The following NAV2 variants were observed in gnomAD, a reference collection of about 807,000 sequenced individuals.
The protein encoded by NAV2 is helicase, APC down-regulated 1.
Under a neutral mutation model 223.2 loss-of-function variants are expected in NAV2, and 54 were observed. The ratio of observed to expected loss-of-function variants is 0.24; its 90% CI spans 0.19 to 0.30. The LOEUF (loss-of-function observed/expected upper bound fraction) is 0.30, where lower values mean the gene tolerates loss of function less well. NAV2 is among the 10% of genes least tolerant of loss of function. The pLI is 1.00. For missense variants in NAV2, 2,806 were observed against 3,147.5 expected, an observed-to-expected ratio of 0.89 and a Z score of 2.60; for synonymous variants, 1,279 against 1,239.3, an observed-to-expected ratio of 1.03 and a Z score of -0.67.
intron 6 of NAV2, among the ~76,000 whole-genome samples, chr11:19,928,706 G>A (rs189161554): frequency 4.6e-5 from 7 of 152,158 alleles, no homozygotes; most frequent in South Asian, 2.1e-4. Context: ...TGCAGGGGTC[G>A]TCTCAGAGAC....
chr11:19,682,897 TATC>T (rs769901654), intron 1 of NAV2, among the ~76,000 whole-genome samples: 1 of 152,126 alleles, frequency 6.6e-6, no homozygotes, highest in Non-Finnish European at 1.5e-5. Context: ...ATCCAAAACA[TATC>T]ATATTCATTT....
At chr11:19,810,053 G>C (rs1156656376) in intron 1 of NAV2, among the ~76,000 whole-genome samples, 4 of 152,178 alleles carry the variant, frequency 2.6e-5, no homozygotes, top group Non-Finnish European at 5.9e-5. Flanking sequence ...CTTGAGAGCA[G>C]AACATCTACA....
chr11:19,593,508 T>C (rs1033310714), intron 1 of NAV2, among the ~76,000 whole-genome samples: 11 of 152,200 alleles, frequency 7.2e-5, no homozygotes, highest in African/African-American at 2.4e-4. Context: ...AATATTTGTG[T>C]ATAGATTTTT....
intron 1 of NAV2, among the ~76,000 whole-genome samples, chr11:19,644,718 T>A (rs977009415): frequency 2.0e-5 from 3 of 152,054 alleles, no homozygotes; most frequent in African/African-American, 7.2e-5. Flanking sequence ...CTGGTTGGGG[T>A]GTGGACCTCC....
intron 1 of NAV2, among the ~76,000 whole-genome samples, chr11:19,784,756 C>T (rs1173397168): frequency 6.6e-6 from 1 of 152,112 alleles, no homozygotes; most frequent in African/African-American, 2.4e-5. Context: ...GTCATTTAAC[C>T]TCTTTGTACC....
intron 19 of NAV2, among the ~76,000 whole-genome samples, chr11:20,061,317 C>T (rs2153623398): frequency 8.1e-6 from 1 of 123,942 alleles, no homozygotes; most frequent in Admixed American, 7.8e-5. Flanking sequence ...TGACTGTAAT[C>T]CCAGCACTTT....
chr11:19,565,578 C>T (rs1223815354), intron 1 of NAV2, among the ~76,000 whole-genome samples: 4 of 152,194 alleles, frequency 2.6e-5, no homozygotes, highest in Non-Finnish European at 4.4e-5. Context: ...CTCCCTTAAC[C>T]ACCCCTTTCA....
chr11:19,746,007 A>G (rs2053304175), intron 1 of NAV2, among the ~76,000 whole-genome samples: 1 of 152,242 alleles, frequency 6.6e-6, no homozygotes, highest in Non-Finnish European at 1.5e-5. Context: ...AAGCATTTTT[A>G]TCAACATGAT....
In NAV2 at chr11:20,082,503, C is replaced by T. The variant is rs374837011; in HGVS notation, c.5326-504C>T. 9.5e-4 allele frequency: 1,286 copies of T among 1,358,774 alleles called. 2 individuals are homozygous for T. Among genetic ancestry groups the T allele is most frequent in the Middle Eastern group, 1.6e-3 (9 of 5,576 alleles). The allele number at this position is 1,358,774 out of a possible 1,614,324, so 84.2% of individuals were successfully genotyped here. On this transcript the variant is annotated intron_variant, in intron 25 of 37. Coordinates refer to ENST00000349880, the MANE Select transcript of NAV2 (RefSeq NM_145117.5). The stretch of plus-strand genomic sequence containing the variant: ...ATTAGCCATGTTGTGTCTGAAAGTC[C>T]GAAGCTTTCCCTGTCACTGGCTTTC...
intron 5 of NAV2, among the ~76,000 whole-genome samples, chr11:19,881,193 G>T (rs1488632870): frequency 6.6e-6 from 1 of 152,166 alleles, no homozygotes; most frequent in Non-Finnish European, 1.5e-5. Context: ...CTATTTCCCA[G>T]TTGTGATGAT....
chr11:19,628,102 T>C lies in NAV2; in HGVS notation c.76-204382T>C, dbSNP rs557581685. Among the ~76,000 whole-genome samples, 183 of 152,228 alleles carry C rather than the reference T, an allele frequency of 1.2e-3. 1 individual carries two copies. Among genetic ancestry groups the C allele is most frequent in the African/African-American group, 4.2e-3 (175 of 41,558 alleles). ...GGAGAATCTCCTGTTGCTGACACTC[T>C]TGGAGCCAGTATGTCTCCCTCCCAC... On this transcript the variant is annotated intron_variant, in intron 1 of 37. Transcript: ENST00000360655.
At chr11:19,469,540 C>T (rs889589953) in intron 1 of NAV2, among the ~76,000 whole-genome samples, 1 of 152,214 alleles carries the variant, frequency 6.6e-6, no homozygotes, top group Non-Finnish European at 1.5e-5. Flanking sequence ...GCATTGGTTT[C>T]AGCCTTCACC....
At chr11:19,875,100 T>G (rs2062758004) in intron 4 of NAV2, among the ~76,000 whole-genome samples, 1 of 152,218 alleles carries the variant, frequency 6.6e-6, no homozygotes, top group South Asian at 2.1e-4. Context: ...GAGGTTGCAG[T>G]GAGCTGGGAT....
chr11:19,542,343 A>G (rs1243297909), intron 1 of NAV2, among the ~76,000 whole-genome samples: 1 of 152,202 alleles, frequency 6.6e-6, no homozygotes, highest in Non-Finnish European at 1.5e-5. Context: ...CTATAATACG[A>G]TTATCCCCAT....
intron 1 of NAV2, among the ~76,000 whole-genome samples, chr11:19,604,634 C>G (rs1329091769): frequency 6.6e-6 from 1 of 152,178 alleles, no homozygotes; most frequent in Non-Finnish European, 1.5e-5. Context: ...ACACTTGTAG[C>G]AGCCTCATGA....
In NAV2 at chr11:19,466,653, C is replaced by T. The variant is rs1042158881; in HGVS notation, c.75+115626C>T. ...ACATAGCTAAGGAAGGAGCCACACA[C>T]GAGGGCTCTGAAGAAGCCACGGGAT... On this transcript the variant is annotated intron_variant, in intron 1 of 37. Transcript: ENST00000360655. Among the ~76,000 whole-genome samples, 7 of 152,174 alleles carry T rather than the reference C, an allele frequency of 4.6e-5. No homozygotes were observed. The East Asian group carries it at 5.8e-4, about 13-fold the overall frequency.
intron 1 of NAV2, among the ~76,000 whole-genome samples, chr11:19,520,422 T>C (rs2043610638): frequency 6.6e-6 from 1 of 152,246 alleles, no homozygotes; most frequent in African/African-American, 2.4e-5. Context: ...CCCCGTGGCC[T>C]GTGGGGCCCA....
intron 1 of NAV2, among the ~76,000 whole-genome samples, chr11:19,705,914 T>C (rs1475068378): frequency 3.3e-5 from 5 of 152,188 alleles, no homozygotes; most frequent in African/African-American, 1.2e-4. Flanking sequence ...TCTCACTTAT[T>C]ATAGATGACA....
At position 19,532,141 on chromosome 11, in the gene NAV2, C is replaced by G. The variant is rs138240572; in HGVS notation, c.75+181114C>G. Among the ~76,000 whole-genome samples, 1,080 of 152,302 alleles carry G rather than the reference C, an allele frequency of 7.1e-3. 16 individuals carry two copies. Among genetic ancestry groups the G allele is most frequent in the Middle Eastern group, 0.034 (10 of 294 alleles). On this transcript the variant is annotated intron_variant, in intron 1 of 37. Transcript: ENST00000360655. The stretch of plus-strand genomic sequence containing the variant: ...GAGCAGGGAGATTCATGGCCCATTT[C>G]GAGCCCAGTGGAAAGTTGGGCAGTG...
Sources: allele counts gnomAD v4.1 joint callset (sites outside exome capture counted in the v4.1 genomes callset), GRCh38; gene constraint gnomAD v4.1.1; transcripts MANE v1.5; gene names NCBI Gene and HGNC (gene_info 2026-07-23, HGNC 2026-07-21).